CDH2: variants seen among roughly 807,000 people sequenced by gnomAD.
CDH2 encodes the protein cadherin-2.
CDH2 carries 17 observed loss-of-function variants against 92.0 expected under a neutral mutation model. The ratio of observed to expected loss-of-function variants is 0.18; its 90% CI spans 0.13 to 0.28. The LOEUF is 0.28. Ranked by LOEUF, CDH2 falls within the 10% of genes least tolerant of loss-of-function variation. The pLI, the probability that CDH2 is intolerant of heterozygous loss-of-function variation, is 1.00. For missense variants in CDH2, 862 were observed against 1,133.1 expected (o/e 0.76, Z 3.44); for synonymous variants, 419 against 415.9 (o/e 1.01, Z -0.09).
chr18:27,983,834 G>T (rs1439505351), intron 13 of CDH2, among the ~76,000 whole-genome samples: 1 of 152,062 alleles, frequency 6.6e-6, no homozygotes, highest in African/African-American at 2.4e-5. Context: ...GATAACATTG[G>T]CATCTATGCC....
At chr18:28,148,344 A>G (rs929122222) in intron 1 of CDH2, among the ~76,000 whole-genome samples, 21 of 152,244 alleles carry the variant, frequency 1.4e-4, no homozygotes, top group African/African-American at 4.1e-4. Flanking sequence ...TTTGAAGGAC[A>G]GTGATACATT....
intron 2 of CDH2, among the ~76,000 whole-genome samples, chr18:28,065,891 C>T (rs1467440006): frequency 6.6e-6 from 1 of 152,132 alleles, no homozygotes; most frequent in Non-Finnish European, 1.5e-5. Context: ...AAGAAGACCA[C>T]AACATTAAAT....
downstream of CDH2, among the ~76,000 whole-genome samples, chr18:27,947,103 G>A (rs1729804460): frequency 6.6e-6 from 1 of 151,628 alleles, no homozygotes; most frequent in South Asian, 2.1e-4. Context: ...TCTTGGAAAA[G>A]GGAAAAAACT....
At chr18:28,079,236 C>T (rs2014782145) in intron 2 of CDH2, among the ~76,000 whole-genome samples, 1 of 152,242 alleles carries the variant, frequency 6.6e-6, no homozygotes, top group South Asian at 2.1e-4. Context: ...TTTTTCTCAT[C>T]CTCCCTTCAG....
At chr18:28,045,241 A>T (rs925581396) in intron 2 of CDH2, among the ~76,000 whole-genome samples, 4 of 152,120 alleles carry the variant, frequency 2.6e-5, no homozygotes, top group Non-Finnish European at 5.9e-5. Flanking sequence ...AGATTCTCTA[A>T]ACCTCTTATG....
chr18:28,126,953 G>A (rs948853574), intron 2 of CDH2, among the ~76,000 whole-genome samples: 1 of 152,128 alleles, frequency 6.6e-6, no homozygotes, highest in African/African-American at 2.4e-5. Context: ...ACCCTAGAAT[G>A]TCCAGAGGGA....
chr18:28,162,848 C>T (rs1258153196), intron 1 of CDH2, among the ~76,000 whole-genome samples: 4 of 152,190 alleles, frequency 2.6e-5, no homozygotes, highest in East Asian at 1.9e-4. Flanking sequence ...ATGATAATAA[C>T]GTCTACCTAT....
Position 28,160,361 on chromosome 18 carries a change from A to G in CDH2, c.61-12577T>C, listed in dbSNP as rs1259301671. On this transcript the variant is annotated intron_variant, in intron 1 of 15. Transcript: ENST00000269141. ...GACTCTGGAAGTGCTGAGGGGCCTC[A>G]GCTTGAACGTGCTGAGGGGCATAAA... is the stretch of plus-strand genomic sequence containing the variant. Among the ~76,000 whole-genome samples, 16 of 152,144 alleles carry G rather than the reference A, an allele frequency of 1.1e-4. 1 individual carries two copies.
At chr18:28,170,295 T>C (rs2144368748) in intron 1 of CDH2, among the ~76,000 whole-genome samples, 1 of 152,350 alleles carries the variant, frequency 6.6e-6, no homozygotes, top group East Asian at 1.9e-4. Context: ...AAATTAATCC[T>C]CATTCAGAAG....
chr18:27,954,712 T>C (rs893437327), intron 15 of CDH2: 8 of 152,224 alleles, frequency 5.3e-5, no homozygotes, highest in African/African-American at 1.9e-4. Flanking sequence ...AGCCGAAGAA[T>C]GCACCTTCAT....
intron 5 of CDH2, 148 bp from the exon 6 acceptor site, chr18:28,006,141 A>C (rs984891786): frequency 3.9e-5 from 24 of 614,170 alleles, no homozygotes; most frequent in Non-Finnish European, 6.2e-5. Flanking sequence ...AGTTACACCA[A>C]GTCCATATAA....
At chr18:28,028,292 C>T (rs1453641228) in intron 2 of CDH2, among the ~76,000 whole-genome samples, 2 of 151,900 alleles carry the variant, frequency 1.3e-5, no homozygotes, top group African/African-American at 4.8e-5. Flanking sequence ...ATACAGGTAG[C>T]CCAAAGAACA....
At position 28,009,260 on chromosome 18, in the gene CDH2, A is replaced by C. The variant is rs183755603; in HGVS notation, c.702+457T>G. ...GACAAACCAAGCACTAACATTCCTA[A>C]TTAGACAAAAGGTTCTTAGCAATAA... On this transcript the variant is annotated intron_variant, in intron 5 of 15. Transcript: ENST00000269141. 2.8e-3 allele frequency among the ~76,000 whole-genome samples: 430 copies of C among 152,366 alleles called. 1 individual carries two copies. Among genetic ancestry groups the C allele is most frequent in the Non-Finnish European group, 4.8e-3 (329 of 68,032 alleles).
rs1023147049 is a variant in CDH2 at position 27,951,376 on chromosome 18, T to C, written c.*777A>G. ...ACATGCAAAAAACCTGAATCCATAG[T>C]CCAAATAATACATACACATGTTCTG... On this transcript the variant is annotated 3_prime_UTR_variant, in exon 16 of 16. Transcript: ENST00000269141. 6.6e-6 allele frequency: 1 copy of C among 152,476 alleles called. No individual in the cohort carries two copies. Among genetic ancestry groups the C allele is most frequent in the Non-Finnish European group, 1.5e-5 (1 of 67,994 alleles). The allele number at this position is 152,476 out of a possible 1,614,324, so 9.4% of individuals were successfully genotyped here. A position where few individuals can be genotyped will look rare whatever the true frequency, so the allele number is the denominator to read the frequency against.
chr18:27,974,702 T>TG (rs998330970), intron 14 of CDH2, among the ~76,000 whole-genome samples: 2 of 152,096 alleles, frequency 1.3e-5, no homozygotes, highest in Non-Finnish European at 2.9e-5. Context: ...GTCATGAGGG[T>TG]GGACACTTCA....
rs184747560 is a variant in CDH2, at chr18:27,955,450, G to A, written c.2515-3091C>T. Among the ~76,000 whole-genome samples the A allele has an allele frequency of 2.1e-3, 322 of 150,054 alleles. 5 individuals are homozygous for A. Among genetic ancestry groups the A allele is most frequent in the African/African-American group, 7.6e-3 (311 of 40,892 alleles). On this transcript the variant is annotated intron_variant, in intron 15 of 15. Coordinates refer to ENST00000269141, the MANE Select transcript of CDH2 (RefSeq NM_001792.5). The stretch of plus-strand genomic sequence containing the variant: ...AAAAAAGACTCAAATTAGCCCGAAA[G>A]GGTCAATGGCAAGGCCTCAAGTGTG...
intron 7 of CDH2, among the ~76,000 whole-genome samples, chr18:27,998,635 A>G (rs752807888): frequency 7.9e-5 from 12 of 152,160 alleles, no homozygotes; most frequent in Non-Finnish European, 1.0e-4. Context: ...TTCTTGAGAC[A>G]GGGTCTCATT....
Position 27,990,189 on chromosome 18 carries a change from C to T in CDH2, c.1506G>A (p.Lys502=), listed in dbSNP as rs778627728. Residue 502 remains lysine (K), a synonymous_variant, in exon 10 of 16, where the codon AAG becomes AAA. Transcript: ENST00000269141. ...NENPYFAPNP[K]IIRQEEGLHA... Reference sequence around the variant, plus strand: ...GAAGCCCTTCTTCTTGGCGAATGATCTTAGGATTGGGGGCAAAATAAGGGT... The same window carrying T: ...GAAGCCCTTCTTCTTGGCGAATGATTTTAGGATTGGGGGCAAAATAAGGGT... 77 of 1,613,952 alleles carry T rather than the reference C, an allele frequency of 4.8e-5. No homozygotes were observed. Among genetic ancestry groups the T allele is most frequent in the Non-Finnish European group, 6.5e-5 (77 of 1,179,994 alleles).
chr18:28,175,595 C>T (rs1396595090), intron 1 of CDH2, among the ~76,000 whole-genome samples: 1 of 152,146 alleles, frequency 6.6e-6, no homozygotes, highest in Non-Finnish European at 1.5e-5. Context: ...CCAGCCCCGT[C>T]CAGCCCCTGC....
Sources: allele counts gnomAD v4.1 joint callset (sites outside exome capture counted in the v4.1 genomes callset), GRCh38; gene constraint gnomAD v4.1.1; transcripts MANE v1.5; gene names NCBI Gene and HGNC (gene_info 2026-07-23, HGNC 2026-07-21).